ACTR3C: variants seen among roughly 807,000 people sequenced by gnomAD.
ACTR3C encodes actin-related protein 3C.
In ACTR3C, 18 loss-of-function variants were observed where a neutral mutation model predicts 26.3. The observed-to-expected ratio is 0.68, with a 90% confidence interval of 0.47 to 1.01. The LOEUF (loss-of-function observed/expected upper bound fraction) is 1.01, where lower values mean the gene tolerates loss of function less well. Among genes scored for constraint, ACTR3C ranks in the 50% least tolerant of loss-of-function variants. ACTR3C has a pLI of 0.00. For missense variants in ACTR3C, 184 were observed against 250.7 expected (o/e 0.73, Z 1.80); for synonymous variants, 55 against 94.5 (o/e 0.58, Z 2.42).
At chr7:150,299,528 G>A (rs1165950213) in intron 1 of ACTR3C, among the ~76,000 whole-genome samples, 2 of 140,634 alleles carry the variant, frequency 1.4e-5, no homozygotes, top group African/African-American at 5.4e-5. Flanking sequence ...GCTCACACCT[G>A]TAATCCCAGC....
the ACTR3C span, among the ~76,000 whole-genome samples, chr7:150,225,583 C>A: frequency 6.6e-6 from 1 of 152,220 alleles, no homozygotes; most frequent in African/African-American, 2.4e-5. Context: ...AGTGGCAGTG[C>A]TGTGTACAGT....
At chr7:150,016,088 T>C in the ACTR3C span, among the ~76,000 whole-genome samples, 1 of 151,974 alleles carries the variant, frequency 6.6e-6, no homozygotes, top group Non-Finnish European at 1.5e-5. Flanking sequence ...CCAAGCACAC[T>C]CATCCCCCAC....
chr7:150,281,306 T>C (rs1004192258), intron 6 of ACTR3C, among the ~76,000 whole-genome samples: 1 of 151,588 alleles, frequency 6.6e-6, no homozygotes, highest in Non-Finnish European at 1.5e-5. Context: ...TGTTTTAGAA[T>C]TATTTTTAAA....
chr7:150,120,670 T>C, the ACTR3C span, among the ~76,000 whole-genome samples: 6 of 152,080 alleles, frequency 3.9e-5, no homozygotes, highest in Non-Finnish European at 8.8e-5. Context: ...AAAGAGGAGC[T>C]GGTACCATTC....
At chr7:150,161,764 A>G in the ACTR3C span, among the ~76,000 whole-genome samples, 1 of 152,168 alleles carries the variant, frequency 6.6e-6, no homozygotes, top group African/African-American at 2.4e-5. Flanking sequence ...TTGGGAGGAA[A>G]GTATTTTAAA....
the ACTR3C span, among the ~76,000 whole-genome samples, chr7:149,919,295 C>T: frequency 6.6e-6 from 1 of 151,062 alleles, no homozygotes; most frequent in South Asian, 2.1e-4. Flanking sequence ...GGCTGGAGTG[C>T]AGTATCATGA....
chr7:149,975,503 G>C, the ACTR3C span, among the ~76,000 whole-genome samples: 3 of 152,016 alleles, frequency 2.0e-5, no homozygotes, highest in African/African-American at 7.2e-5. Context: ...ACTAGCAAAA[G>C]AAGAGCAAGC....
At chr7:150,082,289 C>T in the ACTR3C span, among the ~76,000 whole-genome samples, 1 of 152,082 alleles carries the variant, frequency 6.6e-6, no homozygotes, top group Non-Finnish European at 1.5e-5. Flanking sequence ...AAATGGTCTC[C>T]GGTGTCCACT....
the ACTR3C span, among the ~76,000 whole-genome samples, chr7:149,989,121 T>A: frequency 6.6e-5 from 10 of 152,276 alleles, no homozygotes; most frequent in African/African-American, 1.9e-4. Context: ...AAAAGAACCC[T>A]GGTAAGGTTC....
At chr7:150,042,400 G>A in the ACTR3C span, among the ~76,000 whole-genome samples, 461 of 126,582 alleles carry the variant, frequency 3.6e-3, 1 homozygote, top group Middle Eastern at 9.0e-3. Flanking sequence ...AGAGGGGCTC[G>A]CTCTCAGTCC....
the ACTR3C span, among the ~76,000 whole-genome samples, chr7:150,161,202 TTATATATATA>T: frequency 1.9e-5 from 2 of 103,006 alleles, no homozygotes; most frequent in African/African-American, 4.6e-5. Context: ...AGGAAAGTAT[TTATATATATA>T]TATATATATA....
the ACTR3C span, chr7:150,062,295 C>T: frequency 1.1e-4 from 7 of 61,564 alleles, no homozygotes; most frequent in Admixed American, 5.6e-4. Flanking sequence ...AAAATCAGCA[C>T]GTGATTTTTT....
the ACTR3C span, among the ~76,000 whole-genome samples, chr7:149,895,992 G>T: frequency 7.5e-6 from 1 of 133,472 alleles, no homozygotes; most frequent in Non-Finnish European, 1.5e-5. Context: ...AAGTCTGGGA[G>T]TTTGAGACCA....
At chr7:150,165,681 A>T in the ACTR3C span, among the ~76,000 whole-genome samples, 5,264 of 152,156 alleles carry the variant, frequency 0.035, 153 homozygotes, top group East Asian at 0.19. Context: ...CTTTCCTGCC[A>T]TCATCCACAC....
the ACTR3C span, among the ~76,000 whole-genome samples, chr7:150,200,754 T>G: frequency 6.6e-6 from 1 of 152,150 alleles, no homozygotes; most frequent in Non-Finnish European, 1.5e-5. Flanking sequence ...GGCAAGTTAC[T>G]TAATATCTCT....
chr7:150,040,336 A>C, the ACTR3C span, among the ~76,000 whole-genome samples: 2 of 147,842 alleles, frequency 1.4e-5, no homozygotes, highest in African/African-American at 5.1e-5. Context: ...TCTCTGACGC[A>C]TACAATGGAA....
the ACTR3C span, among the ~76,000 whole-genome samples, chr7:149,901,359 C>G: frequency 4.7e-5 from 7 of 149,710 alleles, no homozygotes; most frequent in African/African-American, 1.7e-4. Flanking sequence ...TTTCCTGGGG[C>G]TGGTCTGTTT....
the ACTR3C span, among the ~76,000 whole-genome samples, chr7:150,091,798 C>T: frequency 1.3e-5 from 2 of 149,280 alleles, no homozygotes; most frequent in South Asian, 2.1e-4. Flanking sequence ...CTGGCTAACA[C>T]GGTGAAACAC....
At chr7:149,959,254 TCCTCC>T in the ACTR3C span, among the ~76,000 whole-genome samples, 1 of 134,886 alleles carries the variant, frequency 7.4e-6, no homozygotes, top group South Asian at 2.8e-4. Flanking sequence ...TCCTGCTGCT[TCCTCC>T]CCTCAGCATT....
Sources: gnomAD v4.1 joint callset for allele counts (sites outside exome capture counted in the v4.1 genomes callset) on GRCh38, gnomAD v4.1.1 for gene constraint, MANE v1.5 for transcripts, NCBI Gene and HGNC (gene_info 2026-07-23, HGNC 2026-07-21) for gene names.